The following DAB1 variants were observed in gnomAD, a reference collection of about 807,000 sequenced individuals.
DAB1 encodes disabled homolog 1.
DAB1 carries 15 observed loss-of-function variants against 64.6 expected under a neutral mutation model. The observed-to-expected ratio is 0.23, with a 90% CI of 0.16 to 0.36. The LOEUF (loss-of-function observed/expected upper bound fraction) is 0.36. Among genes scored for constraint, DAB1 ranks in the 10% least tolerant of loss-of-function variants. The pLI, the probability that DAB1 is intolerant of heterozygous loss-of-function variation, is 1.00. For synonymous variants in DAB1, 235 were observed against 251.9 expected (o/e 0.93, Z 0.64); for missense variants, 596 against 706.7 (o/e 0.84, Z 1.78).
intron 6 of DAB1, among the ~76,000 whole-genome samples, chr1:57,659,053 A>C (rs535861323): frequency 1.3e-5 from 2 of 152,282 alleles, no homozygotes; most frequent in African/African-American, 4.8e-5. Context: ...AATTCCAGGG[A>C]GACTTCTGGG....
At chr1:58,034,586 C>T (rs79042502) in intron 5 of DAB1, among the ~76,000 whole-genome samples, 2,951 of 152,192 alleles carry the variant, frequency 0.019, 82 homozygotes, top group African/African-American at 0.064. Flanking sequence ...TCTGCCAGAT[C>T]GTGTAGAAGG....
At chr1:57,623,235 T>A (rs12046948) in intron 7 of DAB1, among the ~76,000 whole-genome samples, 67,982 of 151,870 alleles carry the variant, frequency 0.45, 17,275 homozygotes, top group East Asian at 0.69. Context: ...CGGTGAGATC[T>A]TCCCACGGAA....
chr1:57,970,607 A>G (rs550927893), intron 5 of DAB1, among the ~76,000 whole-genome samples: 4 of 152,324 alleles, frequency 2.6e-5, no homozygotes, highest in Non-Finnish European at 4.4e-5. Flanking sequence ...AGAAGATACT[A>G]TAGAAAGCTG....
chr1:57,449,079 C>A (rs544790548), intron 7 of DAB1, among the ~76,000 whole-genome samples: 1 of 152,058 alleles, frequency 6.6e-6, no homozygotes. Context: ...AAGGCTATGA[C>A]CGAGTATCAG....
chr1:57,626,807 C>A (rs1361697641), intron 7 of DAB1, among the ~76,000 whole-genome samples: 1 of 152,122 alleles, frequency 6.6e-6, no homozygotes, highest in Admixed American at 6.5e-5. Flanking sequence ...ACTAGTCTTA[C>A]TTATGAGGAC....
intron 3 of DAB1, among the ~76,000 whole-genome samples, chr1:58,437,034 A>G (rs1644952879): frequency 6.6e-6 from 1 of 152,254 alleles, no homozygotes; most frequent in African/African-American, 2.4e-5. Flanking sequence ...CTGGGCCTGC[A>G]GCCACCCTCT....
intron 6 of DAB1, among the ~76,000 whole-genome samples, chr1:57,710,983 G>T (rs1457473433): frequency 6.6e-6 from 1 of 152,114 alleles, no homozygotes; most frequent in Non-Finnish European, 1.5e-5. Context: ...TGTCAGAAAT[G>T]CAAAAACCTG....
At chr1:57,949,079 T>A (rs564074386) in intron 5 of DAB1, among the ~76,000 whole-genome samples, 17 of 152,184 alleles carry the variant, frequency 1.1e-4, no homozygotes, top group Admixed American at 8.5e-4. Context: ...CCAGCAGCAA[T>A]CACCATTCTT....
chr1:57,549,398 G>A (rs971927235), intron 7 of DAB1, among the ~76,000 whole-genome samples: 1 of 152,156 alleles, frequency 6.6e-6, no homozygotes, highest in Admixed American at 6.6e-5. Flanking sequence ...GTCTGTGAAG[G>A]AAGTTAAGAA....
At chr1:58,402,984 AG>A (rs141750061) in intron 3 of DAB1, among the ~76,000 whole-genome samples, 20,719 of 152,194 alleles carry the variant, frequency 0.14, 1,870 homozygotes, top group Middle Eastern at 0.21. Flanking sequence ...TCCAGTTCTC[AG>A]GGGTGGGTCT....
At chr1:58,318,776 G>A (rs1437645121) in intron 4 of DAB1, among the ~76,000 whole-genome samples, 3 of 152,138 alleles carry the variant, frequency 2.0e-5, no homozygotes, top group African/African-American at 7.2e-5. Flanking sequence ...TACTCACCTC[G>A]AAATTTAAAA....
chr1:57,087,573 C>T (rs891345890), intron 4 of DAB1, among the ~76,000 whole-genome samples: 2 of 152,114 alleles, frequency 1.3e-5, no homozygotes, highest in Admixed American at 1.3e-4. Flanking sequence ...TATGACTTTC[C>T]AGAGCAACCT....
intron 4 of DAB1, among the ~76,000 whole-genome samples, chr1:58,153,486 G>A (rs918344556): frequency 1.3e-5 from 2 of 152,026 alleles, no homozygotes; most frequent in Non-Finnish European, 2.9e-5. Flanking sequence ...ACTGCTGTTG[G>A]CCCTGCCACA....
intron 1 of DAB1, among the ~76,000 whole-genome samples, chr1:58,539,766 AACTGT>A (rs1646575313): frequency 6.6e-6 from 1 of 152,174 alleles, no homozygotes; most frequent in Non-Finnish European, 1.5e-5. Context: ...AGAGCCCTAC[AACTGT>A]CCTAGCTTAT....
intron 1 of DAB1, among the ~76,000 whole-genome samples, chr1:57,831,238 T>G (rs852782): frequency 0.68 from 102,865 of 152,048 alleles, 36,577 homozygotes; most frequent in African/African-American, 0.91. Flanking sequence ...TGCAGCTGGG[T>G]GTAGAGTACA....
At chr1:58,311,741 C>T (rs114572929) in intron 4 of DAB1, among the ~76,000 whole-genome samples, 1,529 of 152,258 alleles carry the variant, frequency 0.01, 34 homozygotes, top group African/African-American at 0.036. Flanking sequence ...CTGATGACTC[C>T]TGCTCCCTGG....
rs995487177 is a variant in DAB1, at chr1:56,996,634, G to A, written c.*1510C>T. ...TTGTCTTTTTCTTGTGTTGCACGTA[G>A]GGTGGGGACTCTCGTGGAAAGGCTA... On this transcript the variant is annotated 3_prime_UTR_variant, in exon 15 of 15. Transcript: ENST00000371236. The A allele has an allele frequency of 2.0e-5, 3 of 152,360 alleles. No homozygotes were observed. Among genetic ancestry groups the A allele is most frequent in the African/African-American group, 7.2e-5 (3 of 41,408 alleles). 9.4% of individuals were successfully genotyped at this position (152,360 alleles called of 1,614,324 possible).
At chr1:57,688,017 G>T (rs909967743) in intron 6 of DAB1, among the ~76,000 whole-genome samples, 1 of 151,942 alleles carries the variant, frequency 6.6e-6, no homozygotes, top group Non-Finnish European at 1.5e-5. Context: ...ATAATTTTTG[G>T]CTAAGTGCCC....
In DAB1 at chr1:57,925,504, T is replaced by C. The variant is rs368901449; in HGVS notation, n.388-41342A>G. Among the ~76,000 whole-genome samples, 5 of 152,218 alleles carry C rather than the reference T, an allele frequency of 3.3e-5. No homozygotes were observed. The East Asian group carries it at 5.8e-4, about 18-fold the overall frequency. ...AAACATTTATCAAGCCACATTTATG[T>C]GTCAGAAACTAGACTCTAGATACTG... On this transcript the variant is annotated intron_variant and non_coding_transcript_variant, in intron 5 of 20. Coordinates refer to the DAB1 transcript ENST00000485760.
Sources: gnomAD v4.1 joint callset for allele counts (sites outside exome capture counted in the v4.1 genomes callset) on GRCh38, gnomAD v4.1.1 for gene constraint, MANE v1.5 for transcripts, NCBI Gene and HGNC (gene_info 2026-07-23, HGNC 2026-07-21) for gene names.